The following CFAP54 variants were observed in gnomAD, a reference collection of about 807,000 sequenced individuals.
CFAP54 encodes the protein cilia- and flagella-associated protein 54.
A neutral mutation model predicts 370.4 loss-of-function variants in CFAP54; 290 were observed. The ratio of observed to expected loss-of-function variants is 0.78; its 90% CI spans 0.71 to 0.86. The LOEUF is 0.86. Among genes scored for constraint, CFAP54 ranks in the 40% least tolerant of loss-of-function variants. The pLI, the probability that CFAP54 is intolerant of heterozygous loss-of-function variation, is 0.00. For synonymous variants in CFAP54, 1,206 were observed against 1,236.5 expected (o/e 0.98, Z 0.52); for missense variants, 3,399 against 3,528.7 (o/e 0.96, Z 0.93).
intron 19 of CFAP54, among the ~76,000 whole-genome samples, chr12:96,571,430 T>A (rs1289419486): frequency 6.6e-6 from 1 of 152,144 alleles, no homozygotes; most frequent in Admixed American, 6.6e-5. Flanking sequence ...CTTGGCTGAG[T>A]CCCCGTGATA....
chr12:96,831,835 A>G (rs1410982158), intron 66 of CFAP54, among the ~76,000 whole-genome samples: 3 of 152,136 alleles, frequency 2.0e-5, no homozygotes, highest in African/African-American at 7.2e-5. Context: ...TCTTTGCTTC[A>G]CTTATTCATT....
intron 22 of CFAP54, among the ~76,000 whole-genome samples, chr12:96,581,859 T>G (rs1313119376): frequency 1.3e-5 from 2 of 152,158 alleles, no homozygotes; most frequent in Non-Finnish European, 2.9e-5. Flanking sequence ...CATTGAATCT[T>G]ATGGATATAT....
At chr12:96,701,554 G>T (rs893782061) in intron 46 of CFAP54, among the ~76,000 whole-genome samples, 1 of 151,978 alleles carries the variant, frequency 6.6e-6, no homozygotes. Context: ...GTCAAGCAGA[G>T]TTGAGGGGAT....
At chr12:96,862,969 A>G (rs1451506266) in intron 67 of CFAP54, among the ~76,000 whole-genome samples, 1 of 152,204 alleles carries the variant, frequency 6.6e-6, no homozygotes, top group Non-Finnish European at 1.5e-5. Flanking sequence ...ACTCATAACC[A>G]AGACCATTTA....
intron 60 of CFAP54, among the ~76,000 whole-genome samples, chr12:96,777,835 C>T (rs1488257404): frequency 6.6e-6 from 1 of 152,210 alleles, no homozygotes; most frequent in Non-Finnish European, 1.5e-5. Flanking sequence ...AATGCTAACA[C>T]ATTTGTTCCA....
rs576849258 is a variant in CFAP54, at chr12:96,696,398, A to G, written c.6351+2590A>G. Reference sequence around the variant, plus strand: ...GGTCTGTCCTTAAGAGGCAAGAAGCATGAAAGGGTTGCAATGATCATAACT... The same window carrying G: ...GGTCTGTCCTTAAGAGGCAAGAAGCGTGAAAGGGTTGCAATGATCATAACT... On this transcript the variant is annotated intron_variant, in intron 45 of 67. Coordinates refer to ENST00000524981, the MANE Select transcript of CFAP54 (RefSeq NM_001306084.2). 3.9e-5 allele frequency among the ~76,000 whole-genome samples: 6 copies of G among 152,320 alleles called. No individual in the cohort carries two copies. In the South Asian group the frequency reaches 1.2e-3, roughly 32 times the overall value.
chr12:96,762,895 G>C (rs141592390), intron 58 of CFAP54, among the ~76,000 whole-genome samples: 1 of 151,816 alleles, frequency 6.6e-6, no homozygotes, highest in East Asian at 1.9e-4. Flanking sequence ...CCACATTTAC[G>C]CCTTATACTT....
intron 8 of CFAP54, among the ~76,000 whole-genome samples, chr12:96,526,250 T>C (rs186818461): frequency 4.7e-4 from 71 of 152,284 alleles, no homozygotes; most frequent in Admixed American, 1.2e-3. Flanking sequence ...GAACAGGTCA[T>C]TTGATGGAGA....
intron 60 of CFAP54, among the ~76,000 whole-genome samples, chr12:96,765,825 C>A (rs1041600845): frequency 1.3e-5 from 2 of 152,148 alleles, no homozygotes; most frequent in African/African-American, 2.4e-5. Context: ...TGCTTAGTTA[C>A]TCCTTTGATA....
rs118158382 is a variant in CFAP54, at chr12:96,710,028, T to C, written c.6724+1225T>C. The stretch of plus-strand genomic sequence containing the variant: ...CACTGCATGTGGCCAATAATTCTTT[T>C]TACTTGTTAGATTCTGTTTGCTAGC... On this transcript the variant is annotated intron_variant, in intron 48 of 67. Coordinates refer to ENST00000524981, the MANE Select transcript of CFAP54 (RefSeq NM_001306084.2). 4.3e-3 allele frequency among the ~76,000 whole-genome samples: 653 copies of C among 152,324 alleles called. 9 individuals carry two copies. The highest frequency in any genetic ancestry group is 0.037 in the South Asian group (178 of 4,824).
Position 96,644,300 on chromosome 12 carries a change from G to C in CFAP54, c.4439G>C (p.Trp1480Ser), listed in dbSNP as rs1013856449. 2 of 1,535,716 alleles carry C rather than the reference G, an allele frequency of 1.3e-6. No individual in the cohort carries two copies. The highest frequency in any genetic ancestry group is 3.9e-5 in the Admixed American group (2 of 50,964). ...FHRLSLEEMP[W>S]RAQMNLYLAG... ...CGTCTATCACTTGAAGAGATGCCCT[G>C]GAGAGCTCAGATGAACCTGTATCTA... Residue 1480 changes from tryptophan (W) to serine (S), a missense_variant, in exon 33 of 68, where the codon TGG (tryptophan) becomes TCG (serine). Coordinates refer to ENST00000524981, the MANE Select transcript of CFAP54 (RefSeq NM_001306084.2).
chr12:96,664,697 C>G (rs1344561), intron 39 of CFAP54, among the ~76,000 whole-genome samples: 1 of 76,028 alleles, frequency 1.3e-5, no homozygotes. Flanking sequence ...GGGTATATAT[C>G]TATATATATA....
At chr12:96,768,301 A>G (rs1216701636) in intron 60 of CFAP54, among the ~76,000 whole-genome samples, 1 of 152,088 alleles carries the variant, frequency 6.6e-6, no homozygotes, top group African/African-American at 2.4e-5. Context: ...AGCCTCAGTG[A>G]CAAAGTGAGA....
At chr12:96,664,765 CTATA>C (rs1209615152) in intron 39 of CFAP54, among the ~76,000 whole-genome samples, 1 of 73,630 alleles carries the variant, frequency 1.4e-5, no homozygotes, top group Non-Finnish European at 2.6e-5. Flanking sequence ...CTATATATAT[CTATA>C]TCTATATCTA....
rs528025603 is a variant in CFAP54, at chr12:96,575,484, T to C, written c.2620-1101T>C. Among the ~76,000 whole-genome samples, 3 of 152,168 alleles carry C rather than the reference T, an allele frequency of 2.0e-5. No individual in the cohort carries two copies. In the South Asian group the frequency reaches 6.2e-4, roughly 32 times the overall value. The stretch of plus-strand genomic sequence containing the variant: ...CGTAATAATAATAATAGTTCTGATA[T>C]GGCAAAACAGAATGTTCCAGAGTGC... On this transcript the variant is annotated intron_variant, in intron 19 of 67. Transcript: ENST00000524981.
chr12:96,716,563 A>G (rs1957682077), intron 48 of CFAP54, among the ~76,000 whole-genome samples: 2 of 152,182 alleles, frequency 1.3e-5, no homozygotes, highest in Non-Finnish European at 2.9e-5. Context: ...CTGGTCTGTC[A>G]TAGCAAATCA....
At chr12:96,687,985 G>A (rs138637985) in intron 42 of CFAP54, among the ~76,000 whole-genome samples, 5 of 152,278 alleles carry the variant, frequency 3.3e-5, no homozygotes, top group Admixed American at 2.0e-4. Flanking sequence ...TTCTACGGGG[G>A]CTTTGGCTGT....
At chr12:96,819,478 TC>T (rs1365388081) in intron 65 of CFAP54, among the ~76,000 whole-genome samples, 1 of 152,210 alleles carries the variant, frequency 6.6e-6, no homozygotes, top group Non-Finnish European at 1.5e-5. Context: ...TATTGTTTTT[TC>T]TGGAGGTATC....
chr12:96,675,286 C>G (rs957515706), intron 39 of CFAP54, among the ~76,000 whole-genome samples: 1 of 152,184 alleles, frequency 6.6e-6, no homozygotes, highest in Non-Finnish European at 1.5e-5. Context: ...AGGATATGAA[C>G]AGACACTTCT....
Sources: gnomAD v4.1 joint callset for allele counts (sites outside exome capture counted in the v4.1 genomes callset) on GRCh38, gnomAD v4.1.1 for gene constraint, MANE v1.5 for transcripts, NCBI Gene and HGNC (gene_info 2026-07-23, HGNC 2026-07-21) for gene names.